The following CAMTA1 variants were observed in gnomAD, a reference collection of about 807,000 sequenced individuals.
CAMTA1 encodes the protein calmodulin-binding transcription activator 1.
A neutral mutation model predicts 170.9 loss-of-function variants in CAMTA1; 27 were observed. That is an observed-to-expected ratio of 0.16 (90% CI 0.12 to 0.22). The LOEUF (loss-of-function observed/expected upper bound fraction) is 0.22. Ranked by LOEUF, CAMTA1 falls within the 10% of genes least tolerant of loss-of-function variation. The pLI is 1.00. For synonymous variants in CAMTA1, 833 were observed against 891.5 expected (o/e 0.93, Z 1.17); for missense variants, 1,619 against 2,217.2 (o/e 0.73, Z 5.42).
chr1:7,556,847 A>C (rs932059588), intron 6 of CAMTA1, among the ~76,000 whole-genome samples: 3 of 152,126 alleles, frequency 2.0e-5, no homozygotes, highest in Non-Finnish European at 4.4e-5. Flanking sequence ...CAGAGTGAGC[A>C]TTCAGTGGGG....
chr1:7,320,341 C>A (rs926517677), intron 5 of CAMTA1, among the ~76,000 whole-genome samples: 2 of 152,112 alleles, frequency 1.3e-5, no homozygotes, highest in Non-Finnish European at 2.9e-5. Flanking sequence ...TTATCTGTTC[C>A]GTATGAATGA....
intron 5 of CAMTA1, among the ~76,000 whole-genome samples, chr1:7,267,194 GT>G (rs1669066219): frequency 6.6e-6 from 1 of 152,272 alleles, no homozygotes; most frequent in African/African-American, 2.4e-5. Flanking sequence ...AGAGATCCCA[GT>G]TTTTTTCCCT....
intron 16 of CAMTA1, among the ~76,000 whole-genome samples, chr1:7,744,046 C>CT (rs987446613): frequency 2.0e-5 from 3 of 150,870 alleles, no homozygotes; most frequent in African/African-American, 7.3e-5. Context: ...CCAGGATGGT[C>CT]TTAATCTCCT....
At chr1:7,346,721 A>AGG (rs1463279273) in intron 5 of CAMTA1, among the ~76,000 whole-genome samples, 18 of 152,220 alleles carry the variant, frequency 1.2e-4, no homozygotes, top group Admixed American at 1.2e-3. Context: ...GGGGCCTGGC[A>AGG]GGAGGCGGCC....
intron 6 of CAMTA1, among the ~76,000 whole-genome samples, chr1:7,623,801 A>G (rs928615902): frequency 2.6e-5 from 4 of 152,178 alleles, no homozygotes; most frequent in Non-Finnish European, 4.4e-5. Context: ...ATTGCCTTTT[A>G]GATCCCCTTT....
chr1:6,830,042 T>A (rs1002247493), intron 3 of CAMTA1, among the ~76,000 whole-genome samples: 2 of 146,802 alleles, frequency 1.4e-5, no homozygotes, highest in African/African-American at 2.5e-5. Flanking sequence ...ATTTATTTTT[T>A]ATTTTTTTTT....
chr1:7,021,919 G>A (rs1011768211), intron 3 of CAMTA1, among the ~76,000 whole-genome samples: 7 of 152,288 alleles, frequency 4.6e-5, no homozygotes, highest in Admixed American at 1.3e-4. Context: ...AGCCACCGCC[G>A]TTCAGTGAGT....
At chr1:7,207,421 G>A (rs1405139207) in intron 4 of CAMTA1, among the ~76,000 whole-genome samples, 1 of 152,186 alleles carries the variant, frequency 6.6e-6, no homozygotes, top group Non-Finnish European at 1.5e-5. Flanking sequence ...AAATTCAGGA[G>A]GAAAATCTGT....
chr1:7,326,836 T>G (rs558194388), intron 5 of CAMTA1, among the ~76,000 whole-genome samples: 2 of 151,568 alleles, frequency 1.3e-5, no homozygotes, highest in South Asian at 4.2e-4. Flanking sequence ...AGGGAGTGAG[T>G]AGGAAAGAAC....
At chr1:7,006,843 T>C (rs1699071900) in intron 3 of CAMTA1, among the ~76,000 whole-genome samples, 1 of 152,180 alleles carries the variant, frequency 6.6e-6, no homozygotes, top group Non-Finnish European at 1.5e-5. Context: ...AACCTCTTCA[T>C]GACATCAACC....
chr1:7,282,641 T>A (rs1671682128), intron 5 of CAMTA1, among the ~76,000 whole-genome samples: 1 of 152,120 alleles, frequency 6.6e-6, no homozygotes, highest in Non-Finnish European at 1.5e-5. Flanking sequence ...CTAGAAGGAC[T>A]CCACGTGAAG....
At chr1:7,699,336 C>A (rs1380133373) in intron 11 of CAMTA1, among the ~76,000 whole-genome samples, 4 of 152,146 alleles carry the variant, frequency 2.6e-5, no homozygotes, top group Non-Finnish European at 4.4e-5. Flanking sequence ...TTTCCTGTCA[C>A]CATAAACTTT....
At chr1:7,271,141 G>A (rs926383176) in intron 5 of CAMTA1, among the ~76,000 whole-genome samples, 10 of 152,184 alleles carry the variant, frequency 6.6e-5, no homozygotes, top group African/African-American at 2.4e-4. Flanking sequence ...GGTTAAATGA[G>A]GTCATAGGGA....
chr1:6,991,917 G>A (rs140858325), intron 3 of CAMTA1, among the ~76,000 whole-genome samples: 1 of 152,210 alleles, frequency 6.6e-6, no homozygotes, highest in Admixed American at 6.5e-5. Flanking sequence ...GGCCAGGTTG[G>A]TCTCAAACTC....
chr1:7,496,201 C>A (rs1323613454), intron 6 of CAMTA1, among the ~76,000 whole-genome samples: 1 of 152,172 alleles, frequency 6.6e-6, no homozygotes. Context: ...GCTGGGGGCT[C>A]CTTTGTACTT....
intron 6 of CAMTA1, among the ~76,000 whole-genome samples, chr1:7,621,161 G>A (rs138006366): frequency 2.0e-5 from 3 of 152,326 alleles, no homozygotes; most frequent in African/African-American, 7.2e-5. Flanking sequence ...GAGGGAGCAG[G>A]CAGGGGTCCA....
Position 7,064,737 on chromosome 1 carries a change from G to T in CAMTA1, c.235-26567G>T, listed in dbSNP as rs1200298030. Among the ~76,000 whole-genome samples the T allele has an allele frequency of 6.6e-6, 1 of 152,028 alleles. No individual in the cohort carries two copies. Among genetic ancestry groups the T allele is most frequent in the East Asian group, 1.9e-4 (1 of 5,176 alleles). On this transcript the variant is annotated intron_variant, in intron 3 of 22. Transcript: ENST00000303635. The surrounding 1 kb of genome is among the most constrained non-coding windows in gnomAD (Gnocchi z 5.4). ...AGAGATTGCAGAGCATGCTGGTACT[G>T]GAGGGTGGGGGAGGTGGCAGGAGTC...
chr1:6,825,256 A>C, intron 3 of CAMTA1, 46 bp downstream of exon 3: 3 of 1,015,304 alleles, frequency 3.0e-6, no homozygotes, highest in Non-Finnish European at 4.5e-6. Flanking sequence ...TTAAGGGCAA[A>C]TTTTTTAGGT....
In CAMTA1 at chr1:7,182,863, T is replaced by C. The variant is rs186409681; in HGVS notation, c.303-66628T>C. ...TCAACATCACTCATAATTAGAGAAA[T>C]GAAAATGGCTTTGAGCTGTCATTTT... On this transcript the variant is annotated intron_variant, in intron 4 of 22. Transcript: ENST00000303635. Among the ~76,000 whole-genome samples the C allele has an allele frequency of 2.6e-4, 39 of 152,200 alleles. No homozygotes were observed. The East Asian group carries it at 6.2e-3, about 24-fold the overall frequency.
Sources: gnomAD v4.1 joint callset for allele counts (sites outside exome capture counted in the v4.1 genomes callset) on GRCh38, gnomAD v4.1.1 for gene constraint, Gnocchi (gnomAD v3.1) non-coding constraint, MANE v1.5 for transcripts, NCBI Gene and HGNC (gene_info 2026-07-23, HGNC 2026-07-21) for gene names.